Variants in SEPTIN9 observed in about 807,000 individuals in gnomAD.
SEPTIN9 encodes the protein septin-9.
A neutral mutation model predicts 56.6 loss-of-function variants in SEPTIN9; 13 were observed. The ratio of observed to expected loss-of-function variants is 0.23; its 90% CI spans 0.15 to 0.37. SEPTIN9 has a LOEUF of 0.37. Among genes scored for constraint, SEPTIN9 ranks in the 10% least tolerant of loss-of-function variants. The pLI, the probability that SEPTIN9 is intolerant of heterozygous loss-of-function variation, is 1.00. For synonymous variants in SEPTIN9, 332 were observed against 334.1 expected (o/e 0.99, Z 0.07); for missense variants, 650 against 823.1 (o/e 0.79, Z 2.57).
chr17:77,428,680 A>G (rs2144264611), intron 3 of SEPTIN9, among the ~76,000 whole-genome samples: 1 of 152,294 alleles, frequency 6.6e-6, no homozygotes, highest in Non-Finnish European at 1.5e-5. Context: ...CTCAGGCTAC[A>G]GAGAGCAGTG....
chr17:77,439,025 T>C (rs909521334), intron 3 of SEPTIN9, among the ~76,000 whole-genome samples: 6 of 152,202 alleles, frequency 3.9e-5, no homozygotes, highest in African/African-American at 1.4e-4. Context: ...TTGTGGATTT[T>C]TTTTGTTTTA....
Position 77,456,014 on chromosome 17 carries a change from C to T in SEPTIN9, c.722-26130C>T, listed in dbSNP as rs1353213486. ...CTGGAAGATTCCCGGCACCGCTTCCCATGCGCCACGTGACTAGGAGGGTCT... is the reference window on the plus strand; with the variant it reads ...CTGGAAGATTCCCGGCACCGCTTCCTATGCGCCACGTGACTAGGAGGGTCT... On this transcript the variant is annotated intron_variant, in intron 3 of 11. Coordinates refer to ENST00000427177, the MANE Select transcript of SEPTIN9 (RefSeq NM_001113491.2). The surrounding 1 kb of genome is among the most constrained non-coding windows in gnomAD (Gnocchi z 6.0). Among the ~76,000 whole-genome samples, 4 of 152,208 alleles carry T rather than the reference C, an allele frequency of 2.6e-5. No individual in the cohort carries two copies. The highest frequency in any genetic ancestry group is 2.6e-4 in the Admixed American group (4 of 15,288).
At chr17:77,373,028 C>CGGCCT (rs970867417) in intron 2 of SEPTIN9, among the ~76,000 whole-genome samples, 5 of 151,822 alleles carry the variant, frequency 3.3e-5, no homozygotes, top group Admixed American at 3.3e-4. Flanking sequence ...CGCCATGGCC[C>CGGCCT]GGCCTCCACA....
chr17:77,352,796 C>G (rs575656569), intron 2 of SEPTIN9, among the ~76,000 whole-genome samples: 31 of 152,168 alleles, frequency 2.0e-4, no homozygotes, highest in Non-Finnish European at 4.1e-4. Context: ...TTCCAAGTAG[C>G]TGGGACACAG....
chr17:77,387,786 G>C (rs1176195057), intron 2 of SEPTIN9, among the ~76,000 whole-genome samples: 7 of 152,110 alleles, frequency 4.6e-5, no homozygotes, highest in Non-Finnish European at 1.0e-4. Flanking sequence ...TGTGTGAACG[G>C]GGCTGGGAGC....
At chr17:77,289,705 G>A (rs1041844023) in intron 1 of SEPTIN9, among the ~76,000 whole-genome samples, 4 of 152,072 alleles carry the variant, frequency 2.6e-5, no homozygotes, top group Non-Finnish European at 4.4e-5. Flanking sequence ...ACCGCACCCG[G>A]CCTATGCTTT....
chr17:77,337,485 A>G (rs1398816353), intron 2 of SEPTIN9, among the ~76,000 whole-genome samples: 1 of 151,952 alleles, frequency 6.6e-6, no homozygotes. Flanking sequence ...TGTTTCGGTA[A>G]TGTCTTTGTC....
At chr17:77,312,887 C>T (rs2032558207) in intron 2 of SEPTIN9, among the ~76,000 whole-genome samples, 1 of 152,154 alleles carries the variant, frequency 6.6e-6, no homozygotes, top group Non-Finnish European at 1.5e-5. Flanking sequence ...AAACTCTTTG[C>T]CTTGGTAGCC....
At chr17:77,368,094 C>T (rs1353785026) in intron 2 of SEPTIN9, among the ~76,000 whole-genome samples, 2 of 152,160 alleles carry the variant, frequency 1.3e-5, no homozygotes, top group African/African-American at 4.8e-5. Flanking sequence ...TATGATTTCA[C>T]TTATGTGAAG....
At chr17:77,315,840 G>A (rs1022888289) in intron 2 of SEPTIN9, among the ~76,000 whole-genome samples, 1 of 152,216 alleles carries the variant, frequency 6.6e-6, no homozygotes, top group African/African-American at 2.4e-5. Context: ...GGGTCTATGG[G>A]GGGTGAAGGA....
At chr17:77,337,181 A>G (rs558905889) in intron 2 of SEPTIN9, among the ~76,000 whole-genome samples, 1 of 151,884 alleles carries the variant, frequency 6.6e-6, no homozygotes, top group African/African-American at 2.4e-5. Context: ...TTAATTTTTA[A>G]AATTTTTTGT....
chr17:77,399,434 C>T (rs1312838160), intron 2 of SEPTIN9, among the ~76,000 whole-genome samples: 1 of 152,152 alleles, frequency 6.6e-6, no homozygotes, highest in Non-Finnish European at 1.5e-5. Context: ...AGAGGCACAC[C>T]ATGTGGGGAC....
intron 1 of SEPTIN9, among the ~76,000 whole-genome samples, chr17:77,288,783 G>C (rs1055019024): frequency 6.6e-6 from 1 of 152,184 alleles, no homozygotes; most frequent in African/African-American, 2.4e-5. Context: ...GTAGCCACAG[G>C]GTCTACAGAG....
chr17:77,495,671 G>A lies in SEPTIN9; in HGVS notation c.1574-1644G>A, dbSNP rs146581264. ...GCCTGAGAGCCCCATTCTTCCTGCC[G>A]GCTCTCGCTGCCCGTCAGTGTTAGA... On this transcript the variant is annotated intron_variant, in intron 10 of 11. Transcript: ENST00000427177. Among the ~76,000 whole-genome samples, 431 of 152,320 alleles carry A rather than the reference G, an allele frequency of 2.8e-3. 2 individuals are homozygous for A. The highest frequency in any genetic ancestry group is 9.6e-3 in the African/African-American group (399 of 41,568).
Position 77,488,234 on chromosome 17 carries a change from G to T in SEPTIN9, c.1043-6G>T. 6.2e-7 allele frequency: 1 copy of T among 1,613,696 alleles called. No individual in the cohort carries two copies. The highest frequency in any genetic ancestry group is 8.5e-7 in the Non-Finnish European group (1 of 1,179,766). On this transcript the variant is annotated splice_polypyrimidine_tract_variant and splice_region_variant and intron_variant, in intron 5 of 11. Coordinates refer to ENST00000427177, the MANE Select transcript of SEPTIN9 (RefSeq NM_001113491.2). ...CCTCTGACTCTGCGTCCGTGGCTCT[G>T]TGCAGATATTGAGGAGAAAGGCGTC...
intron 3 of SEPTIN9, among the ~76,000 whole-genome samples, chr17:77,413,967 CT>C (rs1201814435): frequency 7.1e-6 from 1 of 141,230 alleles, no homozygotes; most frequent in South Asian, 2.3e-4. Flanking sequence ...TCCCCTCTCT[CT>C]TTTTTTCTTT....
chr17:77,287,534 C>T (rs979383911), intron 1 of SEPTIN9, among the ~76,000 whole-genome samples: 1 of 152,214 alleles, frequency 6.6e-6, no homozygotes, highest in African/African-American at 2.4e-5. Context: ...CTCTCCTGTA[C>T]GCTGGAGGCT....
intron 1 of SEPTIN9, among the ~76,000 whole-genome samples, chr17:77,289,083 T>G (rs1287851025): frequency 6.6e-6 from 1 of 152,176 alleles, no homozygotes; most frequent in Non-Finnish European, 1.5e-5. Flanking sequence ...TTCTTTTTTT[T>G]GTTTTGTTTG....
intron 2 of SEPTIN9, among the ~76,000 whole-genome samples, chr17:77,363,018 C>T (rs865862665): frequency 4.6e-5 from 7 of 152,174 alleles, no homozygotes; most frequent in South Asian, 2.1e-4. Flanking sequence ...ATGACCAAGG[C>T]GGGGAGAAGT....
Sources: allele counts gnomAD v4.1 joint callset (sites outside exome capture counted in the v4.1 genomes callset), GRCh38; gene constraint gnomAD v4.1.1; non-coding constraint Gnocchi (gnomAD v3.1); transcripts MANE v1.5; gene names NCBI Gene and HGNC (gene_info 2026-07-23, HGNC 2026-07-21).